The following ALDH1A3 variants were observed in gnomAD, a reference collection of about 807,000 sequenced individuals.
The protein encoded by ALDH1A3 is retinaldehyde dehydrogenase 3.
In ALDH1A3, 28 loss-of-function variants were observed where a neutral mutation model predicts 57.5. The ratio of observed to expected loss-of-function variants is 0.49; its 90% CI spans 0.36 to 0.67. ALDH1A3 has a LOEUF of 0.67. Among genes scored for constraint, ALDH1A3 ranks in the 30% least tolerant of loss-of-function variants. The pLI is 0.00. For missense variants in ALDH1A3, 507 were observed against 669.4 expected, an observed-to-expected ratio of 0.76 and a Z score of 2.68; for synonymous variants, 281 against 264.8, an observed-to-expected ratio of 1.06 and a Z score of -0.59.
At chr15:100,886,197 G>T (rs1011194172) in intron 2 of ALDH1A3, among the ~76,000 whole-genome samples, 1 of 152,204 alleles carries the variant, frequency 6.6e-6, no homozygotes, top group Non-Finnish European at 1.5e-5. Flanking sequence ...AATGCACACT[G>T]GCCCCACCTA....
At chr15:100,904,128 A>G (rs1181206383) in intron 9 of ALDH1A3, among the ~76,000 whole-genome samples, 2 of 152,156 alleles carry the variant, frequency 1.3e-5, no homozygotes, top group South Asian at 4.1e-4. Flanking sequence ...TCTTTGATCT[A>G]TTTGGAGTTT....
At position 100,892,979 on chromosome 15, in the gene ALDH1A3, C is replaced by A; in HGVS notation, c.510C>A (p.Pro170=). 1.9e-6 allele frequency: 3 copies of A among 1,614,130 alleles called. No homozygotes were observed. Among genetic ancestry groups the A allele is most frequent in the Non-Finnish European group, 2.5e-6 (3 of 1,180,000 alleles). The change falls in exon 5 of 13, where the codon CCC becomes CCA. Residue 170 remains proline (P), a synonymous_variant. Coordinates refer to ENST00000329841, the MANE Select transcript of ALDH1A3 (RefSeq NM_000693.4). ...DNVVCFTRHE[P]IGVCGAITPW... is the part of the protein sequence containing the mutation. Reference sequence around the variant, plus strand: ...TCGTGTGCTTCACCAGGCATGAGCCCATTGGTGTCTGTGGGGCCATCACTC... The same window carrying A: ...TCGTGTGCTTCACCAGGCATGAGCCAATTGGTGTCTGTGGGGCCATCACTC...
At chr15:100,896,362 C>T (rs1034467788) in intron 7 of ALDH1A3, among the ~76,000 whole-genome samples, 3 of 151,726 alleles carry the variant, frequency 2.0e-5, no homozygotes, top group African/African-American at 7.3e-5. Context: ...GTGATGCATG[C>T]AGTGCTCCAA....
Position 100,915,333 on chromosome 15 carries a change from TGA to T in ALDH1A3, c.*563_*564del. The T allele has an allele frequency of 6.5e-6, 1 of 153,156 alleles. No individual in the cohort carries two copies. The highest frequency in any genetic ancestry group is 1.5e-5 in the Non-Finnish European group (1 of 68,556). 9.5% of individuals were successfully genotyped at this position (153,156 alleles called of 1,614,324 possible). ...TGTTTTTAAAAAAAGGATTTCACAG[TGA>T]GAAAGTTTTGGTTAGTGCATACCGT... On this transcript the variant is annotated 3_prime_UTR_variant, in exon 13 of 13. Transcript: ENST00000329841.
chr15:100,892,296 T>C, intron 3 of ALDH1A3: 1 of 601,344 alleles, frequency 1.7e-6, no homozygotes, highest in Non-Finnish European at 2.7e-6. Flanking sequence ...TGCAGCCCAC[T>C]TTAGGTGTTT....
In ALDH1A3 at chr15:100,894,243, T is replaced by A. The variant is rs902182907; in HGVS notation, c.666+161T>A. On this transcript the variant is annotated intron_variant, in intron 6 of 12. Coordinates refer to ENST00000329841, the MANE Select transcript of ALDH1A3 (RefSeq NM_000693.4). The surrounding 1 kb of genome is among the most constrained non-coding windows in gnomAD (Gnocchi z 4.5). ...TTTGGCGACTGCACGTTCTTTCTCC[T>A]GCTTGTGGCCACTGAGCTGGAGAAA... The A allele has an allele frequency of 3.2e-5, 27 of 856,820 alleles. No homozygotes were observed. The highest frequency in any genetic ancestry group is 4.4e-5 in the Non-Finnish European group (25 of 566,744). 53.1% of individuals were successfully genotyped at this position (856,820 alleles called of 1,614,324 possible).
chr15:100,887,500 G>A lies in ALDH1A3; in HGVS notation c.205-72G>A, dbSNP rs370718156. 105 of 1,442,300 alleles carry A rather than the reference G, an allele frequency of 7.3e-5. No individual in the cohort carries two copies. In the African/African-American group the frequency reaches 7.4e-4, roughly 10 times the overall value. The allele number at this position is 1,442,300 out of a possible 1,614,324, so 89.3% of individuals were successfully genotyped here. ...AAGATGACACCCAAACTTCAGTCAC[G>A]TCAAAAGATGACACCCAAACTGCAG... On this transcript the variant is annotated intron_variant, in intron 2 of 12. Transcript: ENST00000329841. This position sits in a 1 kb window ranked among gnomAD's most constrained non-coding sequence, Gnocchi z 4.6.
At position 100,887,677 on chromosome 15, in the gene ALDH1A3, G is replaced by A; in HGVS notation, c.310G>A (p.Ala104Thr). Residue 104 changes from alanine to threonine, a missense_variant, in exon 3 of 13, where the codon GCT becomes ACT. Physicochemically the swap from Ala to Thr is moderately conservative, Grantham distance 58. This residue lies in a region of ALDH1A3 where 432 missense variants were observed against 608.4 expected (regional missense o/e 0.71). Coordinates refer to ENST00000329841, the MANE Select transcript of ALDH1A3 (RefSeq NM_000693.4). The surrounding 1 kb of genome is among the most constrained non-coding windows in gnomAD (Gnocchi z 4.6). ...LSRGRLLHQL[A>T]DLVERDRATL... The stretch of plus-strand genomic sequence containing the variant: ...TCGTGGGCGGCTGCTGCACCAGCTG[G>A]CTGACCTGGTGGAGAGGGACCGCGC... The A allele has an allele frequency of 6.2e-7, 1 of 1,610,564 alleles. No individual in the cohort carries two copies. The highest frequency in any genetic ancestry group is 8.5e-7 in the Non-Finnish European group (1 of 1,178,372).
intron 9 of ALDH1A3, among the ~76,000 whole-genome samples, chr15:100,903,056 G>A (rs920762312): frequency 6.6e-6 from 1 of 152,206 alleles, no homozygotes; most frequent in African/African-American, 2.4e-5. Context: ...CTGTTGCAAA[G>A]CTGTTTTTGT....
At position 100,885,249 on chromosome 15, in the gene ALDH1A3, A is replaced by G. The variant is rs768487557; in HGVS notation, c.100-18A>G. On this transcript the variant is annotated intron_variant, in intron 1 of 12. Coordinates refer to ENST00000329841, the MANE Select transcript of ALDH1A3 (RefSeq NM_000693.4). The stretch of plus-strand genomic sequence containing the variant: ...TTTTGATCTAAACCTAATTGGTTAC[A>G]CTTCCTTTCCTGGTTAGATATTTAT... 2 of 1,562,572 alleles carry G rather than the reference A, an allele frequency of 1.3e-6. No homozygotes were observed. The highest frequency in any genetic ancestry group is 1.7e-4 in the Middle Eastern group (1 of 6,002).
At position 100,906,776 on chromosome 15, in the gene ALDH1A3, G is replaced by A. The variant is rs775364933; in HGVS notation, c.1234-345G>A. Reference sequence around the variant, plus strand: ...TGCAGATATCCTTCAGGACAACTCCGAAAAAAGTTACCTAAAGGTTTTGTG... The same window carrying A: ...TGCAGATATCCTTCAGGACAACTCCAAAAAAAGTTACCTAAAGGTTTTGTG... On this transcript the variant is annotated intron_variant, in intron 10 of 12. Transcript: ENST00000329841. The surrounding 1 kb of genome is among the most constrained non-coding windows in gnomAD (Gnocchi z 4.8). Among the ~76,000 whole-genome samples, 13 of 152,158 alleles carry A rather than the reference G, an allele frequency of 8.5e-5. No homozygotes were observed. The highest frequency in any genetic ancestry group is 1.9e-4 in the East Asian group (1 of 5,206).
intron 12 of ALDH1A3, chr15:100,913,595 A>G (rs1451365538): frequency 3.9e-5 from 6 of 152,318 alleles, no homozygotes; most frequent in Admixed American, 2.6e-4. Flanking sequence ...TTTAAAGTCA[A>G]TTGATTAGTA....
intron 2 of ALDH1A3, among the ~76,000 whole-genome samples, chr15:100,886,547 C>G (rs1567167794): frequency 6.6e-6 from 1 of 152,166 alleles, no homozygotes; most frequent in African/African-American, 2.4e-5. Context: ...CACCCCCAAG[C>G]CAGCTCTGGA....
At chr15:100,892,773 T>C in intron 4 of ALDH1A3, 134 bp downstream of exon 4, 2 of 1,384,596 alleles carry the variant, frequency 1.4e-6, no homozygotes, top group Non-Finnish European at 2.0e-6. Context: ...GTACTGCCAA[T>C]TCTTCTTCTA....
rs28546254 is a variant in ALDH1A3 at position 100,887,350 on chromosome 15, C to G, written c.205-222C>G. Among the ~76,000 whole-genome samples, 310 of 139,406 alleles carry G rather than the reference C, an allele frequency of 2.2e-3. No homozygotes were observed. Among genetic ancestry groups the G allele is most frequent in the East Asian group, 7.1e-3 (35 of 4,936 alleles). The allele number at this position is 139,406 out of a possible 152,430, so 91.5% of individuals were successfully genotyped here. Reference sequence around the variant, plus strand: ...AAGATGACACCCAAACTGCAGTCACCTCAAAAGATGACACCCAAACTGCAG... The same window carrying G: ...AAGATGACACCCAAACTGCAGTCACGTCAAAAGATGACACCCAAACTGCAG... On this transcript the variant is annotated intron_variant, in intron 2 of 12. Transcript: ENST00000329841. The surrounding 1 kb of genome is among the most constrained non-coding windows in gnomAD (Gnocchi z 4.6).
chr15:100,893,067 C>T lies in ALDH1A3; in HGVS notation c.537+61C>T, dbSNP rs1596124843. ...AGATCCTGCCCCACTGCCCTGTGTC[C>T]TTTGGAATCAATTTCTGGTGTGTTT... On this transcript the variant is annotated intron_variant, in intron 5 of 12. Coordinates refer to ENST00000329841, the MANE Select transcript of ALDH1A3 (RefSeq NM_000693.4). The surrounding 1 kb of genome is among the most constrained non-coding windows in gnomAD (Gnocchi z 4.8). The T allele has an allele frequency of 2.1e-6, 3 of 1,455,618 alleles. 1 individual carries two copies. In the East Asian group the frequency reaches 6.9e-5, roughly 33 times the overall value. 90.2% of individuals were successfully genotyped at this position (1,455,618 alleles called of 1,614,324 possible). A position where few individuals can be genotyped will look rare whatever the true frequency, so the allele number is the denominator to read the frequency against.
At position 100,916,437 on chromosome 15, in the gene ALDH1A3, G is replaced by T. The variant is rs1263492196; in HGVS notation, c.*1664G>T. 1 of 152,510 alleles carries T rather than the reference G, an allele frequency of 6.6e-6. No individual in the cohort carries two copies. Among genetic ancestry groups the T allele is most frequent in the East Asian group, 1.9e-4 (1 of 5,200 alleles). 9.4% of individuals were successfully genotyped at this position (152,510 alleles called of 1,614,324 possible). A position where few individuals can be genotyped will look rare whatever the true frequency, so the allele number is the denominator to read the frequency against. ...TTTTTATAGTTGTAAGTACACAGAG[G>T]TGGTATATTTAAACTTCTGTAATAT... On this transcript the variant is annotated 3_prime_UTR_variant, in exon 13 of 13. Transcript: ENST00000329841.
At chr15:100,892,158 G>A in intron 3 of ALDH1A3, 1 of 262,774 alleles carries the variant, frequency 3.8e-6, no homozygotes, top group South Asian at 4.3e-5. Context: ...CCACACAGCA[G>A]AGGCCACTGT....
At position 100,887,366 on chromosome 15, in the gene ALDH1A3, C is replaced by G. The variant is rs972980700; in HGVS notation, c.205-206C>G. 1.7e-3 allele frequency among the ~76,000 whole-genome samples: 248 copies of G among 144,434 alleles called. No homozygotes were observed. Among genetic ancestry groups the G allele is most frequent in the East Asian group, 5.9e-3 (30 of 5,110 alleles). The allele number at this position is 144,434 out of a possible 152,430, so 94.8% of individuals were successfully genotyped here. On this transcript the variant is annotated intron_variant, in intron 2 of 12. Transcript: ENST00000329841. The surrounding 1 kb of genome is among the most constrained non-coding windows in gnomAD (Gnocchi z 4.6). ...TGCAGTCACCTCAAAAGATGACACC[C>G]AAACTGCAGTCACCTCAAAAGATGA...
Sources: allele counts gnomAD v4.1 joint callset (sites outside exome capture counted in the v4.1 genomes callset), GRCh38; gene constraint gnomAD v4.1.1; regional missense constraint gnomAD v4.1.1; non-coding constraint Gnocchi (gnomAD v3.1); transcripts MANE v1.5; gene names NCBI Gene and HGNC (gene_info 2026-07-23, HGNC 2026-07-21).